FRMD4A: variants seen among roughly 807,000 people sequenced by gnomAD.
FRMD4A encodes the protein FERM domain containing 4A.
A neutral mutation model predicts 129.1 loss-of-function variants in FRMD4A; 29 were observed. That is an observed-to-expected ratio of 0.22 (90% CI 0.17 to 0.31). FRMD4A has a LOEUF of 0.31. Ranked by LOEUF, FRMD4A falls within the 10% of genes least tolerant of loss-of-function variation. The pLI is 1.00. For missense variants in FRMD4A, 1,272 were observed against 1,375.8 expected (o/e 0.92, Z 1.19); for synonymous variants, 634 against 571.6 (o/e 1.11, Z -1.56).
At chr10:14,320,111 C>T (rs1467734503) in intron 2 of FRMD4A, among the ~76,000 whole-genome samples, 3 of 152,102 alleles carry the variant, frequency 2.0e-5, no homozygotes, top group Admixed American at 2.0e-4. Context: ...CAAATTCATG[C>T]AATTGCCTCT....
At chr10:14,098,644 G>A (rs1270585146) in intron 2 of FRMD4A, among the ~76,000 whole-genome samples, 6 of 152,136 alleles carry the variant, frequency 3.9e-5, no homozygotes, top group Non-Finnish European at 8.8e-5. Flanking sequence ...TCCTGACCCC[G>A]TGATCCGCCC....
intron 2 of FRMD4A, among the ~76,000 whole-genome samples, chr10:14,087,908 G>A (rs922409499): frequency 1.3e-5 from 2 of 152,128 alleles, no homozygotes; most frequent in African/African-American, 2.4e-5. Context: ...GCTTTTGAAG[G>A]GTCATGTTGC....
chr10:14,084,121 A>T (rs942283853), intron 2 of FRMD4A, among the ~76,000 whole-genome samples: 5 of 152,206 alleles, frequency 3.3e-5, no homozygotes, highest in African/African-American at 1.2e-4. Context: ...TCATGGGGGA[A>T]AGTAAAAAGG....
At chr10:14,025,615 C>A (rs921031226) in intron 2 of FRMD4A, among the ~76,000 whole-genome samples, 1 of 152,154 alleles carries the variant, frequency 6.6e-6, no homozygotes, top group African/African-American at 2.4e-5. Flanking sequence ...CACTATTACA[C>A]CACCATCCAT....
At chr10:13,930,104 A>G (rs889181366) in intron 2 of FRMD4A, among the ~76,000 whole-genome samples, 1 of 152,224 alleles carries the variant, frequency 6.6e-6, no homozygotes, top group African/African-American at 2.4e-5. Context: ...ATATGTAACA[A>G]TAACACCCTA....
At chr10:14,329,406 T>C (rs1287790466) in intron 2 of FRMD4A, among the ~76,000 whole-genome samples, 1 of 152,158 alleles carries the variant, frequency 6.6e-6, no homozygotes, top group Non-Finnish European at 1.5e-5. Flanking sequence ...TGCTTTAATA[T>C]GGTAAGAGCT....
chr10:13,648,184 G>T (rs2081269779), intron 24 of FRMD4A: 1 of 152,192 alleles, frequency 6.6e-6, no homozygotes, highest in Non-Finnish European at 1.5e-5. Context: ...ATTTTAATGA[G>T]AGTCCTGTGT....
chr10:13,889,133 C>T (rs752520005), intron 2 of FRMD4A, among the ~76,000 whole-genome samples: 42 of 152,202 alleles, frequency 2.8e-4, no homozygotes, highest in Non-Finnish European at 4.7e-4. Context: ...AAGGCAGTAA[C>T]GATCTTTGAT....
At chr10:13,787,252 T>G (rs1216075934) in intron 5 of FRMD4A, among the ~76,000 whole-genome samples, 1 of 152,174 alleles carries the variant, frequency 6.6e-6, no homozygotes, top group Non-Finnish European at 1.5e-5. Context: ...GTCATATCAT[T>G]GTTCTGTTAG....
chr10:14,185,412 T>A (rs190459225), intron 2 of FRMD4A, among the ~76,000 whole-genome samples: 1 of 152,182 alleles, frequency 6.6e-6, no homozygotes, highest in Admixed American at 6.5e-5. Context: ...TCTACCACCC[T>A]AAGCGTAAGG....
intron 8 of FRMD4A, 78 bp from the exon 9 acceptor site, chr10:13,747,897 T>C (rs2091370969): frequency 2.4e-6 from 2 of 831,244 alleles, no homozygotes; most frequent in East Asian, 4.9e-5. Flanking sequence ...TGGGCCGCTG[T>C]CTTGTCTGAG....
At chr10:13,869,481 A>G (rs370803385) in intron 2 of FRMD4A, among the ~76,000 whole-genome samples, 11 of 152,350 alleles carry the variant, frequency 7.2e-5, no homozygotes, top group African/African-American at 2.6e-4. Context: ...CGGGTCCACA[A>G]TCACCCTCCT....
chr10:14,193,619 G>T (rs573527554), intron 2 of FRMD4A, among the ~76,000 whole-genome samples: 1 of 151,276 alleles, frequency 6.6e-6, no homozygotes, highest in African/African-American at 2.4e-5. Context: ...ATATTCATAA[G>T]CAATGAAAGA....
intron 2 of FRMD4A, among the ~76,000 whole-genome samples, chr10:14,015,834 G>T (rs1318027683): frequency 6.6e-6 from 1 of 152,098 alleles, no homozygotes; most frequent in African/African-American, 2.4e-5. Context: ...AATTTAGTTA[G>T]TTCTCATGAC....
intron 2 of FRMD4A, among the ~76,000 whole-genome samples, chr10:14,140,998 G>A (rs1317410105): frequency 6.6e-6 from 1 of 152,070 alleles, no homozygotes; most frequent in Non-Finnish European, 1.5e-5. Context: ...GGAAGTGGCA[G>A]TCCAACCCTA....
At chr10:13,823,554 T>G (rs913107006) in intron 3 of FRMD4A, among the ~76,000 whole-genome samples, 2 of 152,334 alleles carry the variant, frequency 1.3e-5, no homozygotes, top group East Asian at 3.9e-4. Flanking sequence ...CCAAGCTCCA[T>G]CTTCCATGGC....
At chr10:13,758,944 C>T (rs977292313) in intron 8 of FRMD4A, among the ~76,000 whole-genome samples, 10 of 152,082 alleles carry the variant, frequency 6.6e-5, no homozygotes, top group Admixed American at 6.5e-4. Context: ...TCAATTTCGA[C>T]GTGTTGGGTA....
chr10:14,012,315 T>C (rs187757282), intron 2 of FRMD4A, among the ~76,000 whole-genome samples: 93 of 152,308 alleles, frequency 6.1e-4, no homozygotes, highest in African/African-American at 2.2e-3. Flanking sequence ...AAGCCTTTTG[T>C]TTGTTTGCTT....
At chr10:14,158,407 G>A (rs917700750) in intron 2 of FRMD4A, among the ~76,000 whole-genome samples, 5 of 152,152 alleles carry the variant, frequency 3.3e-5, no homozygotes, top group Non-Finnish European at 5.9e-5. Flanking sequence ...AGCCAGGAGC[G>A]CAAGACAAGC....
Sources: allele counts gnomAD v4.1 joint callset (sites outside exome capture counted in the v4.1 genomes callset), GRCh38; gene constraint gnomAD v4.1.1; transcripts MANE v1.5; gene names NCBI Gene and HGNC (gene_info 2026-07-23, HGNC 2026-07-21).